TIAM1: variants seen among roughly 807,000 people sequenced by gnomAD.
TIAM1 encodes the protein TIAM Rac1 associated GEF 1, also known as rho guanine nucleotide exchange factor TIAM1.
A neutral mutation model predicts 163.5 loss-of-function variants in TIAM1; 65 were observed. The ratio of observed to expected loss-of-function variants is 0.40; its 90% CI spans 0.33 to 0.49. The LOEUF (loss-of-function observed/expected upper bound fraction) is 0.49. TIAM1 is among the 20% of genes least tolerant of loss of function. TIAM1 has a pLI of 0.77. For synonymous variants in TIAM1, 833 were observed against 810.1 expected, an observed-to-expected ratio of 1.03 and a Z score of -0.48; for missense variants, 1,789 against 2,044.7, an observed-to-expected ratio of 0.87 and a Z score of 2.41.
At chr21:31,361,853 A>ATAGATAGG (rs1261666836) in intron 2 of TIAM1, among the ~76,000 whole-genome samples, 1 of 149,820 alleles carries the variant, frequency 6.7e-6, no homozygotes, top group Non-Finnish European at 1.5e-5. Flanking sequence ...AGATAGATAG[A>ATAGATAGG]TAGATAGATA....
At chr21:31,337,512 ATTGTTG>A (rs1251943067) in intron 2 of TIAM1, among the ~76,000 whole-genome samples, 2 of 131,648 alleles carry the variant, frequency 1.5e-5, no homozygotes, top group African/African-American at 6.2e-5. Flanking sequence ...TATTATTATT[ATTGTTG>A]TTATTATTAT....
At chr21:31,342,900 T>C (rs1257089725) in intron 1 of TIAM1, among the ~76,000 whole-genome samples, 1 of 152,170 alleles carries the variant, frequency 6.6e-6, no homozygotes, top group Non-Finnish European at 1.5e-5. Context: ...CCCAGCAACC[T>C]GCCTCCCGAC....
rs181269750 is a variant in TIAM1, at chr21:31,524,566, G to T, written c.-422+34361C>A. 9.6e-4 allele frequency among the ~76,000 whole-genome samples: 146 copies of T among 152,326 alleles called. 1 individual carries two copies. The highest frequency in any genetic ancestry group is 3.4e-3 in the African/African-American group (142 of 41,574). The stretch of plus-strand genomic sequence containing the variant: ...GCTAGATGGCAAAAAGCATTTGCTG[G>T]TGAAGGGTTTGATCCTGAGAGCTTT... On this transcript the variant is annotated intron_variant, in intron 1 of 28. Transcript: ENST00000286827.
chr21:31,545,354 A>T (rs1379758686), intron 1 of TIAM1, among the ~76,000 whole-genome samples: 1 of 152,244 alleles, frequency 6.6e-6, no homozygotes, highest in Non-Finnish European at 1.5e-5. Context: ...CCTTGATTAC[A>T]GACTTCTAGC....
At chr21:31,365,216 A>T (rs920336971) in intron 2 of TIAM1, among the ~76,000 whole-genome samples, 2 of 151,994 alleles carry the variant, frequency 1.3e-5, no homozygotes, top group African/African-American at 4.8e-5. Context: ...TCTCCCCAGC[A>T]GATCCTGGGA....
At chr21:31,516,242 T>A in intron 1 of TIAM1, among the ~76,000 whole-genome samples, 1 of 151,574 alleles carries the variant, frequency 6.6e-6, no homozygotes, top group East Asian at 1.9e-4. Context: ...TGAAACCCCA[T>A]CTCTACTAAA....
chr21:31,519,305 CAAAAAAAAAAAAA>C (rs369132676), intron 1 of TIAM1, among the ~76,000 whole-genome samples: 2 of 53,120 alleles, frequency 3.8e-5, no homozygotes, highest in African/African-American at 7.8e-5. Flanking sequence ...AACTCTGTCT[CAAAAAAAAAAAAA>C]AAAAAAAAAA....
intron 1 of TIAM1, among the ~76,000 whole-genome samples, chr21:31,496,925 T>TA (rs1469034925): frequency 2.0e-5 from 3 of 152,188 alleles, no homozygotes; most frequent in Non-Finnish European, 2.9e-5. Context: ...AAGCATTAGT[T>TA]AGATTCTCAT....
chr21:31,432,631 A>C (rs530229233), intron 2 of TIAM1, among the ~76,000 whole-genome samples: 33 of 152,354 alleles, frequency 2.2e-4, no homozygotes, highest in African/African-American at 7.7e-4. Flanking sequence ...ATGCGGCAAC[A>C]TGCATGAAGT....
chr21:31,328,602 T>C (rs1308009316), intron 2 of TIAM1, among the ~76,000 whole-genome samples: 1 of 151,910 alleles, frequency 6.6e-6, no homozygotes, highest in East Asian at 1.9e-4. Flanking sequence ...TGCAGGTTGG[T>C]TACACAGGTA....
chr21:31,511,985 C>T (rs2047224483), intron 1 of TIAM1, among the ~76,000 whole-genome samples: 1 of 152,178 alleles, frequency 6.6e-6, no homozygotes, highest in South Asian at 2.1e-4. Flanking sequence ...AGTGGCAAAC[C>T]ACAGCCCGTG....
chr21:31,557,108 A>C (rs904658285), intron 1 of TIAM1, among the ~76,000 whole-genome samples: 6 of 152,210 alleles, frequency 3.9e-5, no homozygotes, highest in African/African-American at 1.4e-4. Context: ...TCTGGGTCCC[A>C]GCAGAATCTT....
intron 2 of TIAM1, among the ~76,000 whole-genome samples, chr21:31,410,178 ATGTG>A (rs533443986): frequency 6.7e-6 from 1 of 150,360 alleles, no homozygotes; most frequent in Non-Finnish European, 1.5e-5. Context: ...AAAAGGGTGT[ATGTG>A]TGAGTGTGAA....
intron 4 of TIAM1, among the ~76,000 whole-genome samples, chr21:31,259,924 T>C (rs2072359803): frequency 6.6e-6 from 1 of 151,478 alleles, no homozygotes; most frequent in African/African-American, 2.4e-5. Context: ...CCACATCTTT[T>C]ATTTTAGAGA....
At chr21:31,373,330 C>T (rs539007931) in intron 2 of TIAM1, among the ~76,000 whole-genome samples, 42 of 152,128 alleles carry the variant, frequency 2.8e-4, no homozygotes, top group Non-Finnish European at 4.3e-4. Flanking sequence ...TCTTTTCACA[C>T]TGCTGATAAA....
At chr21:31,532,053 G>A (rs188487620) in intron 1 of TIAM1, among the ~76,000 whole-genome samples, 4 of 152,196 alleles carry the variant, frequency 2.6e-5, no homozygotes, top group African/African-American at 9.6e-5. Flanking sequence ...GGAGTTCCAG[G>A]CTGCAATGAG....
At chr21:31,210,640 A>G (rs1267241809) in intron 10 of TIAM1, among the ~76,000 whole-genome samples, 998 of 24,170 alleles carry the variant, frequency 0.041, 19 homozygotes, top group South Asian at 0.052. Context: ...AAAGAAAGAA[A>G]GAAAGAAAGA....
chr21:31,214,245 T>G (rs1243782404), intron 9 of TIAM1, among the ~76,000 whole-genome samples: 2 of 151,914 alleles, frequency 1.3e-5, no homozygotes, highest in African/African-American at 4.8e-5. Flanking sequence ...GGATCACTTG[T>G]GCCCTGGAGG....
intron 2 of TIAM1, among the ~76,000 whole-genome samples, chr21:31,438,268 C>A (rs1245765673): frequency 3.4e-5 from 5 of 145,870 alleles, no homozygotes; most frequent in African/African-American, 1.0e-4. Context: ...CTGGGCCCAC[C>A]ACAACCTCCA....
Sources: allele counts gnomAD v4.1 joint callset (sites outside exome capture counted in the v4.1 genomes callset), GRCh38; gene constraint gnomAD v4.1.1; transcripts MANE v1.5; gene names NCBI Gene and HGNC (gene_info 2026-07-23, HGNC 2026-07-21).